Variants in SLC46A2 observed in about 807,000 individuals in gnomAD.
The protein encoded by SLC46A2 is solute carrier family 46 member 2.
Under a neutral mutation model 33.1 loss-of-function variants are expected in SLC46A2, and 25 were observed. That is an observed-to-expected ratio of 0.76 (90% confidence interval 0.55 to 1.06). The LOEUF is 1.06. Among genes scored for constraint, SLC46A2 ranks in the 50% least tolerant of loss-of-function variants. The pLI, the probability that SLC46A2 is intolerant of heterozygous loss-of-function variation, is 0.00. For missense variants in SLC46A2, 622 were observed against 621.7 expected, an observed-to-expected ratio of 1.00 and a Z score of 0.00; for synonymous variants, 254 against 275.9, an observed-to-expected ratio of 0.92 and a Z score of 0.79.
chr9:112,887,208 T>C, intron 2 of SLC46A2, 122 bp downstream of exon 2: 2 of 825,728 alleles, frequency 2.4e-6, no homozygotes, highest in Non-Finnish European at 3.9e-6. Flanking sequence ...CCAGTGTTTC[T>C]AGTGTCTTCA....
intron 3 of SLC46A2, among the ~76,000 whole-genome samples, chr9:112,884,698 C>T (rs917022406): frequency 2.0e-5 from 3 of 152,214 alleles, no homozygotes; most frequent in African/African-American, 7.2e-5. Flanking sequence ...AACAGTGTGC[C>T]TAAGTGCCTT....
rs1444176240 is a variant in SLC46A2, at chr9:112,879,284, A to G, written c.*478T>C. 6.5e-6 allele frequency: 1 copy of G among 153,906 alleles called. No individual in the cohort carries two copies. 9.5% of individuals were successfully genotyped at this position (153,906 alleles called of 1,614,324 possible). A position where few individuals can be genotyped will look rare whatever the true frequency, so the allele number is the denominator to read the frequency against. ...GTGCAAAACTGTTGGTAGTTCTTAC[A>G]AAACATCCCTTCCACATTCCCCTCA... On this transcript the variant is annotated 3_prime_UTR_variant, in exon 4 of 4. Coordinates refer to ENST00000374228, the MANE Select transcript of SLC46A2 (RefSeq NM_033051.4).
intron 3 of SLC46A2, chr9:112,880,142 C>T (rs1411727427): frequency 9.8e-6 from 2 of 203,124 alleles, no homozygotes. Context: ...ACCAGCCTGG[C>T]CAACCTGGTG....
chr9:112,882,138 GCTCTGTCA>G (rs1388907029), intron 3 of SLC46A2, among the ~76,000 whole-genome samples: 2 of 152,070 alleles, frequency 1.3e-5, no homozygotes, highest in Non-Finnish European at 2.9e-5. Context: ...ACAGAGTCTT[GCTCTGTCA>G]CCCAGGCTGA....
rs1841702924 is a variant in SLC46A2 at position 112,889,886 on chromosome 9, C to T, written c.796G>A (p.Ala266Thr). ...CCAGGAGATGGAGGGTGCCCCACTG[C>T]ATACTGTTGGTCCAACTGATCAGGA... Reference protein sequence around the residue: ...LDPDQLDQQYAVGHPPSPGKA... With the variant: ...LDPDQLDQQYTVGHPPSPGKA... Residue 266 changes from alanine (A) to threonine (T), a missense_variant, in exon 1 of 4, where the codon GCA (alanine) becomes ACA (threonine). Physicochemically the swap from Ala to Thr is moderately conservative, Grantham distance 58. Transcript: ENST00000374228. The T allele has an allele frequency of 1.9e-6, 3 of 1,614,112 alleles. No homozygotes were observed. The highest frequency in any genetic ancestry group is 1.7e-5 in the Admixed American group (1 of 60,014).
At chr9:112,885,224 C>T (rs993892580) in intron 3 of SLC46A2, 25 of 152,162 alleles carry the variant, frequency 1.6e-4, no homozygotes, top group Admixed American at 4.6e-4. Context: ...TCCATTCAGG[C>T]CGAGATTTGT....
intron 1 of SLC46A2, among the ~76,000 whole-genome samples, chr9:112,888,999 T>C (rs1841685995): frequency 6.6e-6 from 1 of 152,086 alleles, no homozygotes; most frequent in Admixed American, 6.5e-5. Context: ...CAAGTGATTC[T>C]TGTGCCTCAG....
At position 112,890,822 on chromosome 9, in the gene SLC46A2, T is replaced by TGCGCCGGGAGC; in HGVS notation, c.-152_-142dup. Reference sequence around the variant, plus strand: ...GCGCCGGGAGCGCGAGTGTGCTCCGTGCGCCGGGAGCGCGCCGGCCAGTGG... The same window carrying TGCGCCGGGAGC: ...GCGCCGGGAGCGCGAGTGTGCTCCGTGCGCCGGGAGCGCGCCGGGAGCGCGCCGGCCAGTGG... On this transcript the variant is annotated 5_prime_UTR_variant, in exon 1 of 4. Coordinates refer to ENST00000374228, the MANE Select transcript of SLC46A2 (RefSeq NM_033051.4). This position sits in a 1 kb window ranked among gnomAD's most constrained non-coding sequence, Gnocchi z 6.0. 1.3e-6 allele frequency: 1 copy of TGCGCCGGGAGC among 778,966 alleles called. No individual in the cohort carries two copies. Among genetic ancestry groups the TGCGCCGGGAGC allele is most frequent in the Non-Finnish European group, 1.8e-6 (1 of 542,294 alleles). The allele number at this position is 778,966 out of a possible 1,614,324, so 48.3% of individuals were successfully genotyped here.
chr9:112,882,123 T>C (rs1645931439), intron 3 of SLC46A2, among the ~76,000 whole-genome samples: 2 of 152,168 alleles, frequency 1.3e-5, no homozygotes, highest in Admixed American at 1.3e-4. Context: ...TGTTTCTTTT[T>C]TGAGACAGAG....
At chr9:112,881,309 C>T (rs1841574618) in intron 3 of SLC46A2, 1 of 152,214 alleles carries the variant, frequency 6.6e-6, no homozygotes, top group Admixed American at 6.5e-5. Flanking sequence ...CGCTTAGATC[C>T]AAGCCTTTTA....
At chr9:112,883,695 CTTTTCT>C (rs1450387271) in intron 3 of SLC46A2, among the ~76,000 whole-genome samples, 156 of 111,250 alleles carry the variant, frequency 1.4e-3, no homozygotes, top group African/African-American at 2.2e-3. Context: ...TTTCTTTTTT[CTTTTCT>C]TTTTTTTTTT....
intron 3 of SLC46A2, among the ~76,000 whole-genome samples, chr9:112,883,142 T>C (rs1022820115): frequency 6.6e-6 from 1 of 152,052 alleles, no homozygotes; most frequent in African/African-American, 2.4e-5. Context: ...GGGGAACCAA[T>C]TGAGTCAGAC....
chr9:112,890,779 AGCGCGAGTGTGCTCCGTGCGCCGG>A lies in SLC46A2; in HGVS notation c.-122_-99del. The A allele has an allele frequency of 1.2e-6, 1 of 867,286 alleles. No homozygotes were observed. Among genetic ancestry groups the A allele is most frequent in the Non-Finnish European group, 1.6e-6 (1 of 633,408 alleles). The allele number at this position is 867,286 out of a possible 1,614,324, so 53.7% of individuals were successfully genotyped here. ...ACGGCTGCTCAGGTTTCAGTCCCGG[AGCGCGAGTGTGCTCCGTGCGCCGG>A]GAGCGCGAGTGTGCTCCGTGCGCCG... On this transcript the variant is annotated 5_prime_UTR_variant, in exon 1 of 4. Coordinates refer to ENST00000374228, the MANE Select transcript of SLC46A2 (RefSeq NM_033051.4). The surrounding 1 kb of genome is among the most constrained non-coding windows in gnomAD (Gnocchi z 6.0).
rs957380536 is a variant in SLC46A2, at chr9:112,890,817, C to T, written c.-136G>A. ...TCCGTGCGCCGGGAGCGCGAGTGTG[C>T]TCCGTGCGCCGGGAGCGCGCCGGCC... On this transcript the variant is annotated 5_prime_UTR_variant, in exon 1 of 4. Transcript: ENST00000374228. The surrounding 1 kb of genome is among the most constrained non-coding windows in gnomAD (Gnocchi z 6.0). 2 of 751,922 alleles carry T rather than the reference C, an allele frequency of 2.7e-6. No homozygotes were observed. The highest frequency in any genetic ancestry group is 4.5e-5 in the South Asian group (2 of 44,704). 46.6% of individuals were successfully genotyped at this position (751,922 alleles called of 1,614,324 possible).
chr9:112,886,745 G>C, intron 2 of SLC46A2, 129 bp from the exon 3 acceptor site: 1 of 982,758 alleles, frequency 1.0e-6, no homozygotes, highest in Non-Finnish European at 1.5e-6. Context: ...TTTTTTTAGA[G>C]ACAGAGTCTT....
chr9:112,882,734 G>C (rs547693468), intron 3 of SLC46A2, among the ~76,000 whole-genome samples: 1 of 152,066 alleles, frequency 6.6e-6, no homozygotes, highest in Non-Finnish European at 1.5e-5. Flanking sequence ...GGGTGGTGCC[G>C]CCGTTTAATG....
At chr9:112,886,711 C>G in intron 2 of SLC46A2, 95 bp from the exon 3 acceptor site, 1 of 1,292,804 alleles carries the variant, frequency 7.7e-7, no homozygotes, top group Non-Finnish European at 1.1e-6. Context: ...GGGACCCTTC[C>G]TTCTTACTCT....
intron 1 of SLC46A2, among the ~76,000 whole-genome samples, chr9:112,888,888 T>TG (rs1399821081): frequency 7.4e-6 from 1 of 134,470 alleles, no homozygotes; most frequent in East Asian, 2.4e-4. Context: ...TTTTTTTTTG[T>TG]TTGTTTGTTT....
At chr9:112,887,497 C>T in intron 1 of SLC46A2, 84 bp from the exon 2 acceptor site, 1 of 1,212,926 alleles carries the variant, frequency 8.2e-7, no homozygotes, top group Non-Finnish European at 1.1e-6. Flanking sequence ...TCTTAGAACC[C>T]CCATCTCCCC....
Sources: gnomAD v4.1 joint callset for allele counts (sites outside exome capture counted in the v4.1 genomes callset) on GRCh38, gnomAD v4.1.1 for gene constraint, Gnocchi (gnomAD v3.1) non-coding constraint, MANE v1.5 for transcripts, NCBI Gene and HGNC (gene_info 2026-07-23, HGNC 2026-07-21) for gene names.